The following FTO variants were observed in gnomAD, a reference collection of about 807,000 sequenced individuals.
The protein encoded by FTO is alpha-ketoglutarate-dependent dioxygenase FTO.
In FTO, 47 loss-of-function variants were observed where a neutral mutation model predicts 63.9. The ratio of observed to expected loss-of-function variants is 0.74; its 90% CI spans 0.58 to 0.94. The LOEUF (loss-of-function observed/expected upper bound fraction) is 0.94, where lower values mean the gene tolerates loss of function less well. FTO is among the 40% of genes least tolerant of loss of function. FTO has a pLI of 0.00. For missense variants in FTO, 562 were observed against 618.1 expected, an observed-to-expected ratio of 0.91 and a Z score of 0.96; for synonymous variants, 207 against 224.4, an observed-to-expected ratio of 0.92 and a Z score of 0.69.
chr16:54,080,034 C>T (rs1372643891), intron 8 of FTO, among the ~76,000 whole-genome samples: 4 of 152,080 alleles, frequency 2.6e-5, no homozygotes, highest in African/African-American at 4.8e-5. Flanking sequence ...ATCTGTTGGT[C>T]GCTCTCCATA....
Position 53,960,568 on chromosome 16 carries a change from C to G in FTO, c.1364+26459C>G, listed in dbSNP as rs200035383. Among the ~76,000 whole-genome samples the G allele has an allele frequency of 2.6e-5, 4 of 152,258 alleles. No homozygotes were observed. The East Asian group carries it at 7.7e-4, about 29-fold the overall frequency. On this transcript the variant is annotated intron_variant, in intron 8 of 8. Transcript: ENST00000471389. The stretch of plus-strand genomic sequence containing the variant: ...CTGAAAGAGGCTCCCATTGTCTTAC[C>G]TCTGGTGCTGGGGGAATCTTGCTAG...
rs376381270 is a variant in FTO at position 54,111,762 on chromosome 16, G to T, written c.1365G>T (p.Arg455Ser). Residue 455 changes from arginine (R) to serine (S), a missense_variant and splice_region_variant, in exon 9 of 9, where the codon AGG becomes AGT. By Grantham distance (110) the Arg-to-Ser change is moderately radical (BLOSUM62 -1). Coordinates refer to ENST00000471389, the MANE Select transcript of FTO (RefSeq NM_001080432.3). ...TAATTTCCTATTTTTACTCTTCCAG[G>T]TGCCAGTCACGAATTGCCCGAACAT... ...RQNLRREWHARCQSRIARTLP... is the reference protein window; with the variant it reads ...RQNLRREWHASCQSRIARTLP... 24 of 1,613,952 alleles carry T rather than the reference G, an allele frequency of 1.5e-5. No individual in the cohort carries two copies. The highest frequency in any genetic ancestry group is 1.9e-5 in the Non-Finnish European group (23 of 1,180,012).
At chr16:53,962,266 A>G (rs576062260) in intron 8 of FTO, among the ~76,000 whole-genome samples, 1 of 152,308 alleles carries the variant, frequency 6.6e-6, no homozygotes, top group Admixed American at 6.5e-5. Flanking sequence ...ATAAGAATTC[A>G]GGCCTGGTTT....
At chr16:53,911,416 G>A (rs1008775419) in intron 7 of FTO, 6 of 703,030 alleles carry the variant, frequency 8.5e-6, no homozygotes, top group African/African-American at 7.0e-5. Flanking sequence ...TAATAGTGTC[G>A]AACCCTGCAG....
chr16:53,939,965 C>G (rs184090139), intron 8 of FTO, among the ~76,000 whole-genome samples: 2 of 152,086 alleles, frequency 1.3e-5, no homozygotes, highest in South Asian at 2.1e-4. Context: ...CATTCATGTA[C>G]AAGTTTTTGA....
Position 53,793,286 on chromosome 16 carries a change from C to T in FTO, c.46-16854C>T, listed in dbSNP as rs539987225. ...CCTAATCTTTATTTCTTTTTTGCTTCGCATCATATACATTTTTCTCTTCAG... is the reference window on the plus strand; with the variant it reads ...CCTAATCTTTATTTCTTTTTTGCTTTGCATCATATACATTTTTCTCTTCAG... On this transcript the variant is annotated intron_variant, in intron 1 of 8. Coordinates refer to ENST00000471389, the MANE Select transcript of FTO (RefSeq NM_001080432.3). 3.0e-4 allele frequency among the ~76,000 whole-genome samples: 46 copies of T among 152,088 alleles called. No individual in the cohort carries two copies. In the East Asian group the frequency reaches 5.8e-3, roughly 19 times the overall value.
At chr16:53,923,419 A>G (rs2082055488) in intron 7 of FTO, among the ~76,000 whole-genome samples, 1 of 152,252 alleles carries the variant, frequency 6.6e-6, no homozygotes, top group Non-Finnish European at 1.5e-5. Flanking sequence ...GATCACATAC[A>G]GAAGTATGAA....
chr16:53,726,176 ACT>A lies in FTO; in HGVS notation c.45+21950_45+21951del, dbSNP rs1246643967. On this transcript the variant is annotated intron_variant, in intron 1 of 8. Transcript: ENST00000471389. ...ATTTGTGGACTACGATTTTATAAAC[ACT>A]CTAAAAAAATATAAAACGTGTCGAT... Among the ~76,000 whole-genome samples the A allele has an allele frequency of 2.1e-4, 3 of 13,988 alleles. No individual in the cohort carries two copies. In the African/African-American group the frequency reaches 2.8e-3, roughly 13 times the overall value. 9.2% of individuals were successfully genotyped at this position (13,988 alleles called of 152,430 possible).
intron 8 of FTO, among the ~76,000 whole-genome samples, chr16:54,037,257 A>T (rs1474253717): frequency 1.3e-5 from 2 of 152,220 alleles, no homozygotes; most frequent in African/African-American, 4.8e-5. Flanking sequence ...AATCATATGC[A>T]TATTGGGGAG....
At chr16:53,733,221 G>A (rs557424384) in intron 1 of FTO, among the ~76,000 whole-genome samples, 4 of 152,236 alleles carry the variant, frequency 2.6e-5, no homozygotes, top group South Asian at 2.1e-4. Context: ...CAAACATGGC[G>A]AAACCCCTGT....
At chr16:53,883,853 A>AT (rs1204421954) in intron 6 of FTO, among the ~76,000 whole-genome samples, 4 of 152,088 alleles carry the variant, frequency 2.6e-5, no homozygotes, top group Admixed American at 6.5e-5. Context: ...TTCACAATTA[A>AT]TTCCATATGT....
chr16:53,883,520 G>A (rs1042837560), intron 6 of FTO, among the ~76,000 whole-genome samples: 2 of 151,278 alleles, frequency 1.3e-5, no homozygotes, highest in Non-Finnish European at 2.9e-5. Flanking sequence ...TACTTGGGAG[G>A]CTGAGGCAGG....
Position 54,012,831 on chromosome 16 carries a change from GA to G in FTO, c.1364+78735del, listed in dbSNP as rs374710361. Among the ~76,000 whole-genome samples, 824 of 139,622 alleles carry G rather than the reference GA, an allele frequency of 5.9e-3. 7 individuals are homozygous for G. The highest frequency in any genetic ancestry group is 0.017 in the African/African-American group (652 of 38,070). The allele number at this position is 139,622 out of a possible 152,430, so 91.6% of individuals were successfully genotyped here. ...GCCCATTGTTGAGACCTCCTTCTCA[GA>G]AAAAAAAAAAAAGATTCCTTTCAAA... On this transcript the variant is annotated intron_variant, in intron 8 of 8. Coordinates refer to ENST00000471389, the MANE Select transcript of FTO (RefSeq NM_001080432.3).
At chr16:53,898,422 C>G (rs1287686854) in intron 7 of FTO, among the ~76,000 whole-genome samples, 1 of 152,142 alleles carries the variant, frequency 6.6e-6, no homozygotes, top group Non-Finnish European at 1.5e-5. Context: ...GTAGCAGGGC[C>G]TTACTCTTTT....
At chr16:53,977,977 C>T (rs573946645) in intron 8 of FTO, among the ~76,000 whole-genome samples, 15 of 152,100 alleles carry the variant, frequency 9.9e-5, no homozygotes, top group Non-Finnish European at 2.1e-4. Context: ...TCCTACCTGT[C>T]TCCCAGGTAG....
intron 1 of FTO, among the ~76,000 whole-genome samples, chr16:53,794,589 AAAT>A (rs2151696945): frequency 6.6e-6 from 1 of 152,306 alleles, no homozygotes; most frequent in Non-Finnish European, 1.5e-5. Flanking sequence ...AAAGGAAACT[AAAT>A]AAAGGCTCCA....
chr16:53,815,812 C>T (rs1598735274), intron 2 of FTO, among the ~76,000 whole-genome samples: 1 of 151,732 alleles, frequency 6.6e-6, no homozygotes, highest in African/African-American at 2.4e-5. Context: ...CCATGCCTGG[C>T]CAATTTTTGT....
At chr16:53,722,971 C>T (rs1392609975) in intron 1 of FTO, among the ~76,000 whole-genome samples, 1 of 152,122 alleles carries the variant, frequency 6.6e-6, no homozygotes, top group African/African-American at 2.4e-5. Flanking sequence ...TCTGAACCAC[C>T]TATGTGTCCC....
intron 3 of FTO, among the ~76,000 whole-genome samples, chr16:53,836,681 T>C (rs2079302259): frequency 6.6e-6 from 1 of 152,208 alleles, no homozygotes; most frequent in Non-Finnish European, 1.5e-5. Flanking sequence ...ATTCTCTCAC[T>C]TCATCCTAAG....
Sources: gnomAD v4.1 joint callset for allele counts (sites outside exome capture counted in the v4.1 genomes callset) on GRCh38, gnomAD v4.1.1 for gene constraint, MANE v1.5 for transcripts, NCBI Gene and HGNC (gene_info 2026-07-23, HGNC 2026-07-21) for gene names.